Variants in NFRKB observed in about 807,000 individuals in gnomAD.
NFRKB encodes nuclear factor related to kappaB binding protein.
In NFRKB, 62 loss-of-function variants were observed where a neutral mutation model predicts 135.7. That is an observed-to-expected ratio of 0.46 (90% CI 0.37 to 0.56). The LOEUF (loss-of-function observed/expected upper bound fraction) is 0.56. Ranked by LOEUF, NFRKB falls within the 20% of genes least tolerant of loss-of-function variation. The probability of loss-of-function intolerance (pLI) is 0.00; values close to 1 mark genes in which losing one functional copy is unlikely to be tolerated. For missense variants in NFRKB, 1,545 were observed against 1,662.0 expected (o/e 0.93, Z 1.22); for synonymous variants, 678 against 635.6 (o/e 1.07, Z -1.00).
rs1338145551 is a variant in NFRKB, at chr11:129,888,700, A to T, written c.231T>A (p.Phe77Leu). ...TCTGCTGCTCAGCACTGTCTTCAGG[A>T]AACTGGGGCAGAAACTGCTGGAGGT... The part of the protein sequence containing the change: ...REHLQQFLPQ[F>L]PEDSAEQQNE... Residue 77 changes from phenylalanine to leucine, a missense_variant, in exon 4 of 27, where the codon TTT becomes TTA. Physicochemically the swap from Phe to Leu is conservative, Grantham distance 22. This residue lies in a region of NFRKB where 678 missense variants were observed against 646.7 expected (regional missense o/e 1.05). Coordinates refer to ENST00000682444, the MANE Select transcript of NFRKB (RefSeq NM_001143835.2). 1 of 1,614,214 alleles carries T rather than the reference A, an allele frequency of 6.2e-7. No individual in the cohort carries two copies. Among genetic ancestry groups the T allele is most frequent in the Non-Finnish European group, 8.5e-7 (1 of 1,180,042 alleles).
At chr11:129,868,649 C>G (rs1174925396) in intron 24 of NFRKB, among the ~76,000 whole-genome samples, 1 of 152,216 alleles carries the variant, frequency 6.6e-6, no homozygotes, top group Non-Finnish European at 1.5e-5. Context: ...TTTAGCAGAG[C>G]CCCTTCTACC....
At chr11:129,875,534 T>G in intron 17 of NFRKB, 71 bp from the exon 18 acceptor site, 1 of 1,240,706 alleles carries the variant, frequency 8.1e-7, no homozygotes. Flanking sequence ...CTCCTGTACC[T>G]GCAGTGATGG....
At chr11:129,868,384 A>T (rs1948311689) in intron 24 of NFRKB, among the ~76,000 whole-genome samples, 1 of 152,232 alleles carries the variant, frequency 6.6e-6, no homozygotes, top group Non-Finnish European at 1.5e-5. Context: ...ATCAAAAAAG[A>T]ACCCCCTTTT....
chr11:129,873,069 C>G lies in NFRKB; in HGVS notation c.2578G>C (p.Ala860Pro), dbSNP rs900421506. 1 of 1,611,778 alleles carries G rather than the reference C, an allele frequency of 6.2e-7. No homozygotes were observed. ...TGCACAGTGGCTGCCGTAGTCTGCG[C>G]TTTGACGGGCACAGTGGCCATTACT... ...QTVMATVPVK[A>P]QTTAATVQRP... The change falls in exon 23 of 27, where the codon GCG (alanine) becomes CCG (proline). Residue 860 changes from alanine (A) to proline (P), a missense_variant. Coordinates refer to ENST00000682444, the MANE Select transcript of NFRKB (RefSeq NM_001143835.2).
At chr11:129,882,325 T>A (rs988801384) in intron 10 of NFRKB, 126 bp downstream of exon 10, 4 of 1,353,430 alleles carry the variant, frequency 3.0e-6, no homozygotes, top group Non-Finnish European at 4.1e-6. Context: ...TTCCCAGCAG[T>A]ATCCCTGGGA....
Position 129,873,803 on chromosome 11 carries a change from G to A in NFRKB, c.2492C>T (p.Pro831Leu), listed in dbSNP as rs1565398416. The change falls in exon 22 of 27, where the codon CCA becomes CTA. Residue 831 changes from proline to leucine, a missense_variant. Transcript: ENST00000682444. Reference sequence around the variant, plus strand: ...TGGAACCCGGATCTGCGGTCCTGCTGGCATCTGTGGCAATGTCTGTGCCGG... The same window carrying A: ...TGGAACCCGGATCTGCGGTCCTGCTAGCATCTGTGGCAATGTCTGTGCCGG... ...GGPAQTLPQM[P>L]AGPQIRVPAT... 1.9e-6 allele frequency: 3 copies of A among 1,614,060 alleles called. No individual in the cohort carries two copies. Among genetic ancestry groups the A allele is most frequent in the South Asian group, 2.2e-5 (2 of 91,070 alleles).
intron 24 of NFRKB, 36 bp from the exon 25 acceptor site, chr11:129,866,019 G>A: frequency 6.5e-7 from 1 of 1,543,932 alleles, no homozygotes; most frequent in Non-Finnish European, 8.7e-7. Flanking sequence ...TGTAAGACAG[G>A]AGGTAAGGAA....
intron 3 of NFRKB, among the ~76,000 whole-genome samples, chr11:129,891,227 G>A (rs957663409): frequency 1.3e-5 from 2 of 152,186 alleles, no homozygotes; most frequent in African/African-American, 2.4e-5. Context: ...CACAAAAGAT[G>A]CCAGCTAGCC....
intron 15 of NFRKB, 50 bp downstream of exon 15, chr11:129,878,259 T>C (rs1235227373): frequency 6.3e-7 from 1 of 1,587,656 alleles, no homozygotes; most frequent in Admixed American, 1.7e-5. Flanking sequence ...AGGCAGTATC[T>C]GAACTACAGT....
In NFRKB at chr11:129,874,340, C is replaced by G. The variant is rs755112141; in HGVS notation, c.2059-7G>C. ...TCTCCTTGCTACTGGACTTCTAGAA[C>G]GGAAGACAAAGAAAACTCACCTGGT... On this transcript the variant is annotated splice_region_variant and splice_polypyrimidine_tract_variant and intron_variant, in intron 20 of 26. Transcript: ENST00000682444. This position sits in a 1 kb window ranked among gnomAD's most constrained non-coding sequence, Gnocchi z 4.5. 4 of 1,518,762 alleles carry G rather than the reference C, an allele frequency of 2.6e-6. No individual in the cohort carries two copies. Among genetic ancestry groups the G allele is most frequent in the African/African-American group, 2.8e-5 (2 of 71,606 alleles). 94.1% of individuals were successfully genotyped at this position (1,518,762 alleles called of 1,614,324 possible).
intron 6 of NFRKB, 144 bp from the exon 7 acceptor site, chr11:129,884,990 G>T: frequency 4.1e-6 from 5 of 1,205,424 alleles, no homozygotes; most frequent in Non-Finnish European, 5.8e-6. Flanking sequence ...CCCTACCCCA[G>T]AGGAGCTGGA....
At chr11:129,893,243 G>A (rs766262886) in intron 2 of NFRKB, 18 of 547,902 alleles carry the variant, frequency 3.3e-5, no homozygotes, top group Middle Eastern at 3.1e-4. Flanking sequence ...TGTAACAACT[G>A]TTTTTTAGCA....
rs1264415032 is a variant in NFRKB, at chr11:129,864,512, G to A, written c.*213C>T. 3.5e-6 allele frequency: 2 copies of A among 575,914 alleles called. No homozygotes were observed. Among genetic ancestry groups the A allele is most frequent in the African/African-American group, 3.7e-5 (2 of 53,444 alleles). The allele number at this position is 575,914 out of a possible 1,614,324, so 35.7% of individuals were successfully genotyped here. On this transcript the variant is annotated 3_prime_UTR_variant, in exon 27 of 27. Transcript: ENST00000682444. Reference sequence around the variant, plus strand: ...TATTCTCCTAGATTGGTAGAGAGCAGACCTTGGAACCCTGGAGTGAACCTT... The same window carrying A: ...TATTCTCCTAGATTGGTAGAGAGCAAACCTTGGAACCCTGGAGTGAACCTT...
intron 3 of NFRKB, among the ~76,000 whole-genome samples, chr11:129,889,516 G>T (rs1326645487): frequency 6.6e-6 from 1 of 151,722 alleles, no homozygotes; most frequent in Non-Finnish European, 1.5e-5. Flanking sequence ...AGAGTGAGAA[G>T]AAACAGGATG....
chr11:129,867,537 G>T (rs535278347), intron 24 of NFRKB, among the ~76,000 whole-genome samples: 9 of 151,942 alleles, frequency 5.9e-5, no homozygotes, highest in Non-Finnish European at 1.3e-4. Context: ...GGCTGGTCTC[G>T]AACTCCTGAC....
At chr11:129,889,993 A>G (rs1949472909) in intron 3 of NFRKB, among the ~76,000 whole-genome samples, 1 of 134,966 alleles carries the variant, frequency 7.4e-6, no homozygotes, top group African/African-American at 3.0e-5. Context: ...TATGCATTTT[A>G]TATACGCTTC....
chr11:129,888,448 G>T, intron 4 of NFRKB, 146 bp downstream of exon 4: 1 of 813,222 alleles, frequency 1.2e-6, no homozygotes, highest in Non-Finnish European at 2.1e-6. Context: ...AGCCTAGACA[G>T]CAAAGTGTTA....
At chr11:129,886,826 G>T (rs1486580235) in intron 4 of NFRKB, among the ~76,000 whole-genome samples, 1 of 152,182 alleles carries the variant, frequency 6.6e-6, no homozygotes, top group Non-Finnish European at 1.5e-5. Flanking sequence ...TTTATGGAAG[G>T]TCCCTTACAG....
chr11:129,867,921 G>C (rs368380374), intron 24 of NFRKB, among the ~76,000 whole-genome samples: 1 of 152,240 alleles, frequency 6.6e-6, no homozygotes. Flanking sequence ...AGCAATAGTT[G>C]ATTATTTTGG....
Sources: allele counts gnomAD v4.1 joint callset (sites outside exome capture counted in the v4.1 genomes callset), GRCh38; gene constraint gnomAD v4.1.1; regional missense constraint gnomAD v4.1.1; non-coding constraint Gnocchi (gnomAD v3.1); transcripts MANE v1.5; gene names NCBI Gene and HGNC (gene_info 2026-07-23, HGNC 2026-07-21).